BTBD9: variants seen among roughly 807,000 people sequenced by gnomAD.
BTBD9 encodes the protein BTB/POZ domain-containing protein 9.
Under a neutral mutation model 64.3 loss-of-function variants are expected in BTBD9, and 49 were observed. The ratio of observed to expected loss-of-function variants is 0.76; its 90% confidence interval spans 0.61 to 0.97. The LOEUF (loss-of-function observed/expected upper bound fraction) is 0.97. Among genes scored for constraint, BTBD9 ranks in the 50% least tolerant of loss-of-function variants. BTBD9 has a pLI of 0.00. For synonymous variants in BTBD9, 260 were observed against 274.7 expected, an observed-to-expected ratio of 0.95 and a Z score of 0.53; for missense variants, 598 against 762.1, an observed-to-expected ratio of 0.78 and a Z score of 2.53.
intron 6 of BTBD9, among the ~76,000 whole-genome samples, chr6:38,440,663 G>A (rs2127313265): frequency 6.6e-6 from 1 of 152,250 alleles, no homozygotes; most frequent in East Asian, 1.9e-4. Flanking sequence ...AATGTTTAGT[G>A]TATATTATAG....
At chr6:38,198,845 A>C (rs1019576939) in intron 9 of BTBD9, among the ~76,000 whole-genome samples, 5 of 152,222 alleles carry the variant, frequency 3.3e-5, no homozygotes, top group African/African-American at 1.2e-4. Context: ...ATGCATGACC[A>C]CAAAACAAAG....
intron 1 of BTBD9, among the ~76,000 whole-genome samples, chr6:38,610,893 G>C (rs1582714514): frequency 6.8e-6 from 1 of 147,894 alleles, no homozygotes; most frequent in South Asian, 2.3e-4. Context: ...TTACAGCATT[G>C]CTTGTAACTG....
At chr6:38,558,967 C>G (rs1338695877) in intron 6 of BTBD9, among the ~76,000 whole-genome samples, 2 of 152,152 alleles carry the variant, frequency 1.3e-5, no homozygotes, top group African/African-American at 2.4e-5. Flanking sequence ...GAATGGGAAC[C>G]ACCAGCCCTT....
At chr6:38,300,557 C>G (rs1317138123) in intron 7 of BTBD9, among the ~76,000 whole-genome samples, 1 of 150,032 alleles carries the variant, frequency 6.7e-6, no homozygotes, top group African/African-American at 2.5e-5. Context: ...TGTAGTTCTC[C>G]TTGAAGAGGT....
At chr6:38,563,882 T>C (rs1244094864) in intron 6 of BTBD9, among the ~76,000 whole-genome samples, 4 of 150,044 alleles carry the variant, frequency 2.7e-5, no homozygotes, top group East Asian at 2.0e-4. Flanking sequence ...CCCGGTTCCA[T>C]GCCATTATCC....
chr6:38,430,228 T>A (rs748545837), intron 6 of BTBD9, among the ~76,000 whole-genome samples: 81 of 152,070 alleles, frequency 5.3e-4, no homozygotes, highest in Non-Finnish European at 8.8e-4. Flanking sequence ...TATTTTATTT[T>A]ATTTTTTTAG....
At chr6:38,278,473 A>C (rs796478142) in intron 8 of BTBD9, among the ~76,000 whole-genome samples, 2 of 152,230 alleles carry the variant, frequency 1.3e-5, no homozygotes, top group African/African-American at 2.4e-5. Context: ...TCAAGGGTGG[A>C]TTGAACCATA....
chr6:38,426,611 C>T (rs895949580), intron 6 of BTBD9, among the ~76,000 whole-genome samples: 2 of 151,882 alleles, frequency 1.3e-5, no homozygotes, highest in African/African-American at 4.9e-5. Context: ...TGCTCCTGAT[C>T]CAGCGAGGCG....
intron 7 of BTBD9, among the ~76,000 whole-genome samples, chr6:38,306,472 C>T (rs7760807): frequency 0.66 from 100,562 of 152,124 alleles, 33,381 homozygotes; most frequent in Admixed American, 0.68. Context: ...CAAATTTAAT[C>T]TGCTGCTTCT....
Position 38,216,381 on chromosome 6 carries a change from T to C in BTBD9, c.1563-23784A>G, listed in dbSNP as rs933756783. Among the ~76,000 whole-genome samples the C allele has an allele frequency of 2.6e-5, 4 of 152,150 alleles. No homozygotes were observed. In the East Asian group the frequency reaches 5.8e-4, roughly 22 times the overall value. On this transcript the variant is annotated intron_variant, in intron 9 of 10. Coordinates refer to ENST00000481247, the MANE Select transcript of BTBD9 (RefSeq NM_001099272.2). ...GACCAGCAGACTGGTACAGGATCTG[T>C]GGAGCACTCCTCACAGTCCTTGGCT...
At chr6:38,328,986 G>C (rs1192103904) in intron 7 of BTBD9, among the ~76,000 whole-genome samples, 8 of 148,534 alleles carry the variant, frequency 5.4e-5, no homozygotes, top group Admixed American at 3.4e-4. Flanking sequence ...GTGTGTGTGT[G>C]TGTGTGTGTG....
chr6:38,639,513 C>T (rs1328645055), intron 1 of BTBD9, among the ~76,000 whole-genome samples: 1 of 152,216 alleles, frequency 6.6e-6, no homozygotes, highest in African/African-American at 2.4e-5. Flanking sequence ...TGGGCTGCCC[C>T]TGATTCGAAC....
At chr6:38,611,613 CCG>C (rs945485796) in intron 1 of BTBD9, among the ~76,000 whole-genome samples, 1 of 152,062 alleles carries the variant, frequency 6.6e-6, no homozygotes, top group African/African-American at 2.4e-5. Context: ...GTCTTTCTTC[CCG>C]GTGTCCCATA....
intron 6 of BTBD9, among the ~76,000 whole-genome samples, chr6:38,375,658 T>C (rs1349627735): frequency 2.0e-5 from 3 of 152,154 alleles, no homozygotes; most frequent in Non-Finnish European, 4.4e-5. Flanking sequence ...ATTGAATAGA[T>C]TTCTTCAAAG....
intron 7 of BTBD9, among the ~76,000 whole-genome samples, chr6:38,328,724 G>A (rs886981284): frequency 6.6e-6 from 1 of 151,838 alleles, no homozygotes. Flanking sequence ...GAGGTGGGTG[G>A]ATCCCGAGGT....
chr6:38,272,654 C>A (rs769721831), intron 8 of BTBD9, among the ~76,000 whole-genome samples: 1 of 152,048 alleles, frequency 6.6e-6, no homozygotes, highest in Non-Finnish European at 1.5e-5. Flanking sequence ...GTGACAAAGT[C>A]ATTTTCCTAT....
intron 9 of BTBD9, among the ~76,000 whole-genome samples, chr6:38,198,392 G>A (rs575440190): frequency 1.8e-4 from 27 of 152,162 alleles, no homozygotes; most frequent in South Asian, 1.0e-3. Context: ...ATGTACGGTC[G>A]CCATCAGCAA....
intron 7 of BTBD9, among the ~76,000 whole-genome samples, chr6:38,331,013 C>T (rs1406208443): frequency 6.6e-6 from 1 of 151,950 alleles, no homozygotes; most frequent in African/African-American, 2.4e-5. Context: ...AAGCAAATCA[C>T]AAAATCAGAT....
intron 7 of BTBD9, among the ~76,000 whole-genome samples, chr6:38,340,181 T>C (rs935837782): frequency 6.6e-6 from 1 of 152,216 alleles, no homozygotes; most frequent in African/African-American, 2.4e-5. Context: ...AATAATTAAG[T>C]GTATGTGCAC....
Sources: gnomAD v4.1 joint callset for allele counts (sites outside exome capture counted in the v4.1 genomes callset) on GRCh38, gnomAD v4.1.1 for gene constraint, MANE v1.5 for transcripts, NCBI Gene and HGNC (gene_info 2026-07-23, HGNC 2026-07-21) for gene names.